Variants in GPC5 observed in about 807,000 individuals in gnomAD.
GPC5 encodes glypican-5.
Under a neutral mutation model 53.9 loss-of-function variants are expected in GPC5, and 47 were observed. The observed-to-expected ratio is 0.87, with a 90% CI of 0.69 to 1.11. GPC5 has a LOEUF of 1.11. Among genes scored for constraint, GPC5 ranks in the 50% most tolerant of loss-of-function variants. The probability of loss-of-function intolerance (pLI) is 0.00; values close to 1 mark genes in which losing one functional copy is unlikely to be tolerated. For missense variants in GPC5, 748 were observed against 713.1 expected (o/e 1.05, Z -0.56); for synonymous variants, 286 against 263.3 (o/e 1.09, Z -0.84).
intron 3 of GPC5, among the ~76,000 whole-genome samples, chr13:91,701,587 G>A (rs2035993549): frequency 6.6e-6 from 1 of 151,900 alleles, no homozygotes; most frequent in Non-Finnish European, 1.5e-5. Context: ...GTTTGTGTAT[G>A]TGTGTGTATT....
At chr13:92,359,858 G>A (rs578197181) in intron 7 of GPC5, among the ~76,000 whole-genome samples, 1 of 151,596 alleles carries the variant, frequency 6.6e-6, no homozygotes, top group South Asian at 2.1e-4. Context: ...CCAAAACTTG[G>A]GATTAAAATT....
intron 6 of GPC5, among the ~76,000 whole-genome samples, chr13:92,084,775 T>C (rs993760828): frequency 6.6e-6 from 1 of 152,244 alleles, no homozygotes; most frequent in Non-Finnish European, 1.5e-5. Context: ...ACAAGATAAA[T>C]GTTACAAAAC....
chr13:91,688,299 G>A (rs1287946133), intron 2 of GPC5, among the ~76,000 whole-genome samples: 1 of 151,860 alleles, frequency 6.6e-6, no homozygotes, highest in African/African-American at 2.4e-5. Flanking sequence ...AAGTGATTAG[G>A]ACAAAAAAAT....
chr13:91,530,238 A>G (rs1886280322), intron 2 of GPC5, among the ~76,000 whole-genome samples: 1 of 152,228 alleles, frequency 6.6e-6, no homozygotes, highest in Non-Finnish European at 1.5e-5. Context: ...TTATGCAGTC[A>G]TGTTTGGATA....
At chr13:92,723,699 T>C (rs1888564942) in intron 7 of GPC5, among the ~76,000 whole-genome samples, 1 of 151,708 alleles carries the variant, frequency 6.6e-6, no homozygotes, top group Non-Finnish European at 1.5e-5. Flanking sequence ...TAACAGATAA[T>C]GCACCTTTGC....
At chr13:92,520,060 C>A (rs935673424) in intron 7 of GPC5, among the ~76,000 whole-genome samples, 34 of 152,100 alleles carry the variant, frequency 2.2e-4, no homozygotes, top group Non-Finnish European at 3.7e-4. Context: ...ACACATACAC[C>A]CTTCCAAGAC....
chr13:92,782,463 A>G (rs542808786), intron 7 of GPC5, among the ~76,000 whole-genome samples: 1 of 152,236 alleles, frequency 6.6e-6, no homozygotes, highest in African/African-American at 2.4e-5. Context: ...ACAGCACTGG[A>G]AGAAGGCCTG....
intron 5 of GPC5, among the ~76,000 whole-genome samples, chr13:91,846,313 A>C (rs983526576): frequency 4.6e-5 from 7 of 152,138 alleles, no homozygotes; most frequent in East Asian, 1.9e-4. Flanking sequence ...AGAAAAAAAA[A>C]CAGCAACTAA....
chr13:92,847,865 T>A (rs769325001), intron 7 of GPC5, among the ~76,000 whole-genome samples: 4 of 152,204 alleles, frequency 2.6e-5, no homozygotes, highest in Non-Finnish European at 4.4e-5. Context: ...AACTTTGAAA[T>A]GTAAGCACTT....
intron 7 of GPC5, among the ~76,000 whole-genome samples, chr13:92,353,008 C>A (rs1323554664): frequency 6.6e-6 from 1 of 151,908 alleles, no homozygotes; most frequent in Non-Finnish European, 1.5e-5. Context: ...CGCCTGTAAT[C>A]CCAGCACTTT....
chr13:92,584,430 C>T (rs1419334952), intron 7 of GPC5, among the ~76,000 whole-genome samples: 11 of 152,120 alleles, frequency 7.2e-5, no homozygotes, highest in South Asian at 2.1e-4. Context: ...GAACTTGAGA[C>T]AGATGATTTA....
At chr13:91,740,473 A>T (rs1480928576) in intron 4 of GPC5, among the ~76,000 whole-genome samples, 1 of 152,094 alleles carries the variant, frequency 6.6e-6, no homozygotes, top group African/African-American at 2.4e-5. Context: ...GGACATTGTG[A>T]GTCTTCTTTT....
intron 2 of GPC5, among the ~76,000 whole-genome samples, chr13:91,655,715 A>T (rs1594387448): frequency 6.6e-6 from 1 of 152,242 alleles, no homozygotes; most frequent in South Asian, 2.1e-4. Context: ...CTAAAACAAT[A>T]ATAAACAAAC....
chr13:92,147,343 T>C (rs2041875266), intron 7 of GPC5, among the ~76,000 whole-genome samples: 1 of 151,998 alleles, frequency 6.6e-6, no homozygotes, highest in Non-Finnish European at 1.5e-5. Flanking sequence ...TAAATATTAG[T>C]ATTTTAGAAC....
chr13:92,083,346 G>T (rs1015265460), intron 6 of GPC5, among the ~76,000 whole-genome samples: 1 of 152,112 alleles, frequency 6.6e-6, no homozygotes, highest in African/African-American at 2.4e-5. Context: ...AGGCAGTGGG[G>T]GAGTGGTAGG....
rs7334049 is a variant in GPC5, at chr13:91,447,443, G to A, written c.164-1318G>A. Among the ~76,000 whole-genome samples, 944 of 151,658 alleles carry A rather than the reference G, an allele frequency of 6.2e-3. 9 individuals carry two copies. Among genetic ancestry groups the A allele is most frequent in the African/African-American group, 0.021 (881 of 41,314 alleles). On this transcript the variant is annotated intron_variant, in intron 1 of 7. Transcript: ENST00000377067. ...AAATGTTACCTACTGTGACACTTAC[G>A]AATATTTTATGCTTCTTAGCCTTTG...
At chr13:92,447,963 G>C (rs1219465207) in intron 7 of GPC5, 1 of 151,976 alleles carries the variant, frequency 6.6e-6, no homozygotes, top group African/African-American at 2.4e-5. Context: ...ATATAAATTT[G>C]TTAATTATTT....
At chr13:92,602,235 TATATATATA>T (rs1884094479) in intron 7 of GPC5, among the ~76,000 whole-genome samples, 1 of 77,512 alleles carries the variant, frequency 1.3e-5, no homozygotes, top group Non-Finnish European at 2.6e-5. Flanking sequence ...ATATATAACA[TATATATATA>T]TATATATATA....
intron 6 of GPC5, among the ~76,000 whole-genome samples, chr13:91,925,320 T>C (rs1489543260): frequency 6.6e-6 from 1 of 152,196 alleles, no homozygotes; most frequent in Non-Finnish European, 1.5e-5. Context: ...AGCAGGAAAG[T>C]AAATCTTCCT....
Sources: gnomAD v4.1 joint callset for allele counts (sites outside exome capture counted in the v4.1 genomes callset) on GRCh38, gnomAD v4.1.1 for gene constraint, MANE v1.5 for transcripts, NCBI Gene and HGNC (gene_info 2026-07-23, HGNC 2026-07-21) for gene names.